PTMS: variants seen among roughly 807,000 people sequenced by gnomAD.
The protein encoded by PTMS is parathymosin.
PTMS carries 5 observed loss-of-function variants against 18.4 expected under a neutral mutation model. That is an observed-to-expected ratio of 0.27 (90% CI 0.14 to 0.57). PTMS has a LOEUF of 0.57. Among genes scored for constraint, PTMS ranks in the 20% least tolerant of loss-of-function variants. The pLI is 0.92. For missense variants in PTMS, 93 were observed against 124.6 expected (o/e 0.75, Z 1.21); for synonymous variants, 53 against 47.7 (o/e 1.11, Z -0.46).
intron 1 of PTMS, among the ~76,000 whole-genome samples, chr12:6,766,985 GGTCGCGCCGT>G (rs1941774224): frequency 1.3e-5 from 2 of 151,616 alleles, no homozygotes; most frequent in African/African-American, 4.8e-5. Context: ...TCGCCGCTCC[GGTCGCGCCGT>G]CCCCCGCAGC....
chr12:6,767,598 C>CGGGGGGG (rs56074647), intron 1 of PTMS: 14 of 11,016 alleles, frequency 1.3e-3, no homozygotes, highest in East Asian at 2.9e-3. Context: ...ATGTGTATGG[C>CGGGGGGG]GGGGGGGGGG....
In PTMS at chr12:6,769,645, C is replaced by T. The variant is rs867073491; in HGVS notation, c.88C>T (p.Arg30Trp). 5.6e-6 allele frequency: 9 copies of T among 1,613,624 alleles called. No homozygotes were observed. Among genetic ancestry groups the T allele is most frequent in the African/African-American group, 2.7e-5 (2 of 74,750 alleles). Reference protein sequence around the residue: ...KKEKVEEKASRKERKKEVVEE... With the variant: ...KKEKVEEKASWKERKKEVVEE... ...GGAGAAGGTGGAGGAGAAGGCAAGC[C>T]GGAAAGAGCGAAAGAAAGAAGTGGT... The change falls in exon 2 of 5, where the codon CGG (arginine) becomes TGG (tryptophan). Residue 30 changes from arginine (R) to tryptophan (W), a missense_variant. By Grantham distance (101) the Arg-to-Trp change is moderately radical (BLOSUM62 -3). Coordinates refer to ENST00000309083, the MANE Select transcript of PTMS (RefSeq NM_002824.6).
chr12:6,766,782 C>A, intron 1 of PTMS, 32 bp downstream of exon 1: 2 of 1,055,530 alleles, frequency 1.9e-6, no homozygotes, highest in Non-Finnish European at 2.3e-6. Context: ...GCCCGGACCT[C>A]GCGCAGCCCT....
At chr12:6,768,892 G>C (rs184064527) in intron 1 of PTMS, among the ~76,000 whole-genome samples, 23 of 152,156 alleles carry the variant, frequency 1.5e-4, no homozygotes, top group African/African-American at 5.5e-4. Flanking sequence ...TCCCCTCCTT[G>C]TTTTCTCTTC....
chr12:6,766,809 CT>C, intron 1 of PTMS, 59 bp downstream of exon 1: 1 of 1,028,848 alleles, frequency 9.7e-7, no homozygotes, highest in Non-Finnish European at 1.2e-6. Flanking sequence ...CGGCGCGGTC[CT>C]TCGCCCCAGG....
Position 6,770,095 on chromosome 12 carries a change from G to C in PTMS, c.197-62G>C. 1 of 1,611,262 alleles carries C rather than the reference G, an allele frequency of 6.2e-7. No homozygotes were observed. Among genetic ancestry groups the C allele is most frequent in the Non-Finnish European group, 8.5e-7 (1 of 1,178,844 alleles). On this transcript the variant is annotated intron_variant, in intron 3 of 4. Coordinates refer to ENST00000309083, the MANE Select transcript of PTMS (RefSeq NM_002824.6). The surrounding 1 kb of genome is among the most constrained non-coding windows in gnomAD (Gnocchi z 7.3). ...GAAGACCTGAAGCAGGGCTGAGGGC[G>C]ACCACGGGGGCTCTGCCAGAGCTTC...
chr12:6,766,780 C>T (rs1941771580), intron 1 of PTMS, 30 bp downstream of exon 1: 2 of 1,057,378 alleles, frequency 1.9e-6, no homozygotes, highest in Admixed American at 5.5e-5. Flanking sequence ...CGGCCCGGAC[C>T]TCGCGCAGCC....
At chr12:6,769,336 G>T (rs1941809063) in intron 1 of PTMS, among the ~76,000 whole-genome samples, 1 of 152,016 alleles carries the variant, frequency 6.6e-6, no homozygotes, top group African/African-American at 2.4e-5. Flanking sequence ...ACTTGATGGG[G>T]GTGGGGATCA....
In PTMS at chr12:6,769,910, G is replaced by A. The variant is rs747478276; in HGVS notation, c.118-11G>A. On this transcript the variant is annotated splice_polypyrimidine_tract_variant and intron_variant, in intron 2 of 4. Coordinates refer to ENST00000309083, the MANE Select transcript of PTMS (RefSeq NM_002824.6). ...CCAGCCTGAGGCTACTCCCTCTCCT[G>A]GTCCCCACAGGAGGAGGAGAACGGG... The A allele has an allele frequency of 6.4e-7, 1 of 1,562,792 alleles. No individual in the cohort carries two copies. The highest frequency in any genetic ancestry group is 1.2e-5 in the South Asian group (1 of 85,686).
intron 1 of PTMS, among the ~76,000 whole-genome samples, chr12:6,768,530 A>G (rs1941800258): frequency 1.3e-5 from 2 of 152,172 alleles, no homozygotes; most frequent in African/African-American, 4.8e-5. Context: ...GCCCAGGGTG[A>G]TCTCACACAG....
chr12:6,768,236 T>A (rs1323061878), intron 1 of PTMS, among the ~76,000 whole-genome samples: 1 of 152,222 alleles, frequency 6.6e-6, no homozygotes, highest in Non-Finnish European at 1.5e-5. Flanking sequence ...GCCAGGGCCA[T>A]ACAGACTTTT....
rs1270904585 is a variant in PTMS, at chr12:6,766,397, G to T, written c.-309G>T. On this transcript the variant is annotated 5_prime_UTR_variant, in exon 1 of 5. Coordinates refer to ENST00000309083, the MANE Select transcript of PTMS (RefSeq NM_002824.6). Reference sequence around the variant, plus strand: ...TCGGCGGCAGCTCTGCTGGTGCGGGGGCGGCGAGCCCGGGATCGAGCTACC... The same window carrying T: ...TCGGCGGCAGCTCTGCTGGTGCGGGTGCGGCGAGCCCGGGATCGAGCTACC... The T allele has an allele frequency of 6.3e-6, 1 of 159,504 alleles. No individual in the cohort carries two copies. The highest frequency in any genetic ancestry group is 2.4e-5 in the African/African-American group (1 of 41,498). 9.9% of individuals were successfully genotyped at this position (159,504 alleles called of 1,614,324 possible).
chr12:6,769,757 G>A, intron 2 of PTMS, 83 bp downstream of exon 2: 3 of 1,602,684 alleles, frequency 1.9e-6, no homozygotes, highest in South Asian at 1.1e-5. Context: ...CTTTCCTTCC[G>A]AGGGTGCTGG....
At position 6,769,962 on chromosome 12, in the gene PTMS, C is replaced by T. The variant is rs541372586; in HGVS notation, c.159C>T (p.Ala53=). ...NGAEEEEEET[A]EDGEEEDEGE... is the part of the protein sequence containing the mutation. ...CTGAGGAGGAAGAAGAAGAAACTGC[C>T]GAGGATGGAGAGGAGGAAGATGAAG... Residue 53 remains alanine (A), a synonymous_variant, in exon 3 of 5, where the codon GCC becomes GCT. Coordinates refer to ENST00000309083, the MANE Select transcript of PTMS (RefSeq NM_002824.6). The T allele has an allele frequency of 4.2e-5, 65 of 1,553,354 alleles. No individual in the cohort carries two copies. Among genetic ancestry groups the T allele is most frequent in the East Asian group, 2.4e-4 (10 of 40,972 alleles).
At chr12:6,768,513 C>A (rs535714826) in intron 1 of PTMS, among the ~76,000 whole-genome samples, 1 of 151,498 alleles carries the variant, frequency 6.6e-6, no homozygotes, top group South Asian at 2.1e-4. Flanking sequence ...CCAGAAAGGA[C>A]CCCCCCGCCC....
intron 1 of PTMS, chr12:6,767,606 G>GGGGA (rs1316933916): frequency 7.3e-6 from 1 of 137,456 alleles, no homozygotes; most frequent in Non-Finnish European, 1.6e-5. Flanking sequence ...GGCGGGGGGG[G>GGGGA]GGGGCGCGGT....
Position 6,770,518 on chromosome 12 carries a change from C to A in PTMS, c.*76C>A. On this transcript the variant is annotated 3_prime_UTR_variant, in exon 5 of 5. Transcript: ENST00000309083. The surrounding 1 kb of genome is among the most constrained non-coding windows in gnomAD (Gnocchi z 7.3). ...GGGTGGGGGCAGCCAAGTCCAGCCA[C>A]TCTTCACCTGGCTCCCTGCTCTGGG... is the stretch of plus-strand genomic sequence containing the variant. 1 of 1,517,024 alleles carries A rather than the reference C, an allele frequency of 6.6e-7. No homozygotes were observed. Among genetic ancestry groups the A allele is most frequent in the Non-Finnish European group, 9.2e-7 (1 of 1,092,544 alleles). The allele number at this position is 1,517,024 out of a possible 1,614,324, so 94.0% of individuals were successfully genotyped here.
intron 2 of PTMS, 101 bp downstream of exon 2, chr12:6,769,775 C>A: frequency 6.3e-7 from 1 of 1,597,288 alleles, no homozygotes; most frequent in South Asian, 1.1e-5. Flanking sequence ...TGGGTCCTGC[C>A]GTTCCCCTGA....
rs866232063 is a variant in PTMS at position 6,770,173 on chromosome 12, A to G, written c.213A>G (p.Glu71=). ...EGEEEDEEEE[E]EDDEGPALKR... is the part of the protein sequence containing the mutation. ...GCTCCTCAGATGAGGAAGAAGAAGA[A>G]GAGGATGATGAAGGGCCCGCGCTGA... The change falls in exon 4 of 5, where the codon GAA becomes GAG. Residue 71 remains glutamate (E), a synonymous_variant. Coordinates refer to ENST00000309083, the MANE Select transcript of PTMS (RefSeq NM_002824.6). The surrounding 1 kb of genome is among the most constrained non-coding windows in gnomAD (Gnocchi z 7.3). 5 of 1,613,992 alleles carry G rather than the reference A, an allele frequency of 3.1e-6. No homozygotes were observed. The highest frequency in any genetic ancestry group is 1.7e-5 in the Admixed American group (1 of 59,996).
Sources: allele counts gnomAD v4.1 joint callset (sites outside exome capture counted in the v4.1 genomes callset), GRCh38; gene constraint gnomAD v4.1.1; non-coding constraint Gnocchi (gnomAD v3.1); transcripts MANE v1.5; gene names NCBI Gene and HGNC (gene_info 2026-07-23, HGNC 2026-07-21).